Variants in TDRD9 observed in about 807,000 individuals in gnomAD.
The protein encoded by TDRD9 is tudor domain containing 9.
Under a neutral mutation model 172.6 loss-of-function variants are expected in TDRD9, and 124 were observed. The ratio of observed to expected loss-of-function variants is 0.72; its 90% CI spans 0.62 to 0.83. TDRD9 has a LOEUF of 0.83. Ranked by LOEUF, TDRD9 falls within the 40% of genes least tolerant of loss-of-function variation. The pLI is 0.00. For synonymous variants in TDRD9, 619 were observed against 617.1 expected, an observed-to-expected ratio of 1.00 and a Z score of -0.05; for missense variants, 1,479 against 1,714.1, an observed-to-expected ratio of 0.86 and a Z score of 2.42.
chr14:104,046,177 G>A (rs1050802919), intron 34 of TDRD9, among the ~76,000 whole-genome samples: 11 of 152,142 alleles, frequency 7.2e-5, no homozygotes, highest in African/African-American at 4.8e-5. Flanking sequence ...GAATGATCTC[G>A]ATCTCTTGAC....
Position 103,975,818 on chromosome 14 carries a change from G to A in TDRD9, c.1011+265G>A, listed in dbSNP as rs573280482. On this transcript the variant is annotated intron_variant, in intron 7 of 35. Transcript: ENST00000409874. Reference sequence around the variant, plus strand: ...TCTTTAACATTTATCTTTGTGGTGGGAACATTTAAAATCCTCTCTTCTAGC... The same window carrying A: ...TCTTTAACATTTATCTTTGTGGTGGAAACATTTAAAATCCTCTCTTCTAGC... 2.0e-5 allele frequency among the ~76,000 whole-genome samples: 3 copies of A among 152,138 alleles called. No homozygotes were observed. In the East Asian group the frequency reaches 5.8e-4, roughly 29 times the overall value.
intron 31 of TDRD9, among the ~76,000 whole-genome samples, 199 bp downstream of exon 31, chr14:104,034,268 G>C (rs1247491876): frequency 1.5e-5 from 2 of 137,506 alleles, no homozygotes; most frequent in African/African-American, 5.5e-5. Flanking sequence ...TCGGCTCACT[G>C]CAAGCTCCAC....
intron 20 of TDRD9, among the ~76,000 whole-genome samples, chr14:104,011,772 T>G (rs1018698406): frequency 3.3e-5 from 5 of 152,204 alleles, no homozygotes; most frequent in African/African-American, 1.2e-4. Flanking sequence ...GTTTCTTGAT[T>G]ATATTTGTAT....
intron 13 of TDRD9, among the ~76,000 whole-genome samples, chr14:104,002,630 A>G (rs968500058): frequency 6.6e-6 from 1 of 152,254 alleles, no homozygotes; most frequent in Non-Finnish European, 1.5e-5. Context: ...GTCTTTTTAC[A>G]TATCTAGTTA....
chr14:104,046,398 G>A (rs2035777270), intron 34 of TDRD9, among the ~76,000 whole-genome samples: 1 of 152,130 alleles, frequency 6.6e-6, no homozygotes, highest in Admixed American at 6.5e-5. Flanking sequence ...GATTTTGTAT[G>A]TGGTATGTGA....
chr14:104,035,946 T>C (rs1466614186), intron 32 of TDRD9, among the ~76,000 whole-genome samples: 1 of 152,104 alleles, frequency 6.6e-6, no homozygotes, highest in Admixed American at 6.5e-5. Context: ...CCATTACACT[T>C]GTTCAGAATC....
At chr14:104,014,973 C>T (rs999181835) in intron 21 of TDRD9, 132 bp downstream of exon 21, 1 of 501,484 alleles carries the variant, frequency 2.0e-6, no homozygotes, top group Non-Finnish European at 3.5e-6. Context: ...CCATAGTGTT[C>T]ATACTGCGTT....
intron 24 of TDRD9, among the ~76,000 whole-genome samples, chr14:104,023,141 C>T (rs374941888): frequency 1.5e-5 from 2 of 133,128 alleles, no homozygotes; most frequent in East Asian, 2.3e-4. Context: ...GCTGAGATCA[C>T]GCCACTGCAC....
At chr14:103,968,162 C>T (rs1595926042) in intron 5 of TDRD9, among the ~76,000 whole-genome samples, 1 of 152,254 alleles carries the variant, frequency 6.6e-6, no homozygotes, top group African/African-American at 2.4e-5. Context: ...TTCTCAAGCT[C>T]TGCCTTAATA....
rs3831000 is a variant in TDRD9, at chr14:104,049,590, C to CT, written c.3975-8dup. On this transcript the variant is annotated splice_polypyrimidine_tract_variant and intron_variant, in intron 34 of 35. Transcript: ENST00000409874. ...TACTAATATATAATTAAGATAATTT[C>CT]TTTTTTTTTTAAATTAGTTTGTTCT... 85,021 of 1,415,030 alleles carry CT rather than the reference C, an allele frequency of 0.06. 1,641 individuals carry two copies. The highest frequency in any genetic ancestry group is 0.075 in the Middle Eastern group (313 of 4,152). The allele number at this position is 1,415,030 out of a possible 1,614,324, so 87.7% of individuals were successfully genotyped here. A position where few individuals can be genotyped will look rare whatever the true frequency, so the allele number is the denominator to read the frequency against.
At chr14:104,016,712 T>C (rs1274886103) in intron 22 of TDRD9, among the ~76,000 whole-genome samples, 1 of 152,214 alleles carries the variant, frequency 6.6e-6, no homozygotes, top group African/African-American at 2.4e-5. Flanking sequence ...AGACTCACAC[T>C]GGAAGAAAGC....
intron 34 of TDRD9, among the ~76,000 whole-genome samples, chr14:104,043,940 T>A (rs1596029591): frequency 6.6e-6 from 1 of 152,106 alleles, no homozygotes. Flanking sequence ...AGATTAAGGG[T>A]CCTCACAGCC....
chr14:104,005,045 CTT>C (rs1168725222), intron 14 of TDRD9: 3 of 366,354 alleles, frequency 8.2e-6, no homozygotes. Flanking sequence ...TTTTCCTTCT[CTT>C]TTTTCTTCCT....
chr14:103,984,284 A>T (rs1276337361), intron 7 of TDRD9, among the ~76,000 whole-genome samples: 1 of 152,220 alleles, frequency 6.6e-6, no homozygotes, highest in African/African-American at 2.4e-5. Flanking sequence ...AATGGGGAAA[A>T]TGTCTCCAGG....
intron 11 of TDRD9, 95 bp downstream of exon 11, chr14:103,994,698 T>C (rs900913544): frequency 4.0e-6 from 4 of 1,002,118 alleles, no homozygotes; most frequent in African/African-American, 1.6e-5. Flanking sequence ...TCGTGGCTCA[T>C]GCGTGTGTTT....
At chr14:103,956,841 G>T (rs954763266) in intron 2 of TDRD9, among the ~76,000 whole-genome samples, 5 of 151,958 alleles carry the variant, frequency 3.3e-5, no homozygotes, top group African/African-American at 1.2e-4. Context: ...TATCTTACTA[G>T]CACCAGGCCC....
chr14:103,941,579 C>T (rs1595895965), intron 1 of TDRD9: 1 of 1,535,248 alleles, frequency 6.5e-7, no homozygotes, highest in Non-Finnish European at 8.7e-7. Flanking sequence ...TCTCTCGCTC[C>T]TTTAGGTGCC....
intron 23 of TDRD9, among the ~76,000 whole-genome samples, chr14:104,020,943 ATATGGGC>A (rs975936929): frequency 5.3e-5 from 8 of 151,902 alleles, no homozygotes; most frequent in African/African-American, 1.9e-4. Flanking sequence ...GGACACCGAA[ATATGGGC>A]TGGGGCAAGA....
chr14:103,997,879 G>A lies in TDRD9; in HGVS notation c.1379-745G>A, dbSNP rs996350628. Among the ~76,000 whole-genome samples, 5 of 152,208 alleles carry A rather than the reference G, an allele frequency of 3.3e-5. No individual in the cohort carries two copies. Among genetic ancestry groups the A allele is most frequent in the African/African-American group, 9.7e-5 (4 of 41,448 alleles). ...GCAGCTTTGGTGGAAGCAAGCGTCTGCTTGGAGTGGGCTCAAGAAAGGATG... is the reference window on the plus strand; with the variant it reads ...GCAGCTTTGGTGGAAGCAAGCGTCTACTTGGAGTGGGCTCAAGAAAGGATG... On this transcript the variant is annotated intron_variant, in intron 12 of 35. Coordinates refer to ENST00000409874, the MANE Select transcript of TDRD9 (RefSeq NM_153046.3). This position sits in a 1 kb window ranked among gnomAD's most constrained non-coding sequence, Gnocchi z 5.1.
Sources: allele counts gnomAD v4.1 joint callset (sites outside exome capture counted in the v4.1 genomes callset), GRCh38; gene constraint gnomAD v4.1.1; non-coding constraint Gnocchi (gnomAD v3.1); transcripts MANE v1.5; gene names NCBI Gene and HGNC (gene_info 2026-07-23, HGNC 2026-07-21).